The following GRIN2B variants were observed in gnomAD, a reference collection of about 807,000 sequenced individuals.
GRIN2B encodes the protein glutamate ionotropic receptor NMDA type subunit 2B, also known as glutamate receptor ionotropic, NMDA 2B.
A neutral mutation model predicts 114.5 loss-of-function variants in GRIN2B; 5 were observed. The observed-to-expected ratio is 0.04, with a 90% CI of 0.02 to 0.09. GRIN2B has a LOEUF of 0.09. Ranked by LOEUF, GRIN2B falls within the 10% of genes least tolerant of loss-of-function variation. GRIN2B has a pLI of 1.00. For missense variants in GRIN2B, 1,108 were observed against 1,943.5 expected (o/e 0.57, Z 8.08); for synonymous variants, 787 against 745.1 (o/e 1.06, Z -0.92).
In GRIN2B at chr12:13,949,815, T is replaced by A. The variant is rs563649217; in HGVS notation, c.-19+30113A>T. 2.3e-3 allele frequency among the ~76,000 whole-genome samples: 345 copies of A among 152,302 alleles called. 1 individual carries two copies. The highest frequency in any genetic ancestry group is 7.9e-3 in the African/African-American group (328 of 41,570). On this transcript the variant is annotated intron_variant, in intron 2 of 13. Transcript: ENST00000609686. ...AGCAAAATACTCACTTTTAGATATG[T>A]ACCAGGCTGTACTGTGTTTGCAGTA...
At chr12:13,733,535 A>C (rs866749751) in intron 4 of GRIN2B, among the ~76,000 whole-genome samples, 43 of 152,326 alleles carry the variant, frequency 2.8e-4, no homozygotes, top group Middle Eastern at 3.4e-3. Context: ...TCTCTTTATC[A>C]AGTGAATCAA....
At chr12:13,696,035 T>C (rs1219328840) in intron 4 of GRIN2B, among the ~76,000 whole-genome samples, 3 of 152,196 alleles carry the variant, frequency 2.0e-5, no homozygotes, top group South Asian at 4.1e-4. Flanking sequence ...CTTGTATTTA[T>C]GATCTTTCTT....
chr12:13,564,285 A>G lies in GRIN2B; in HGVS notation c.2953T>C (p.Tyr985His). ...CTATGGGGCCGGTGGTGATGGTGGT[A>G]GTGATCTTGGTACACGTTGCTGTCC... ...LKDSNVYQDH[Y>H]HHHHRPHSIG... The change falls in exon 14 of 14, where the codon TAC becomes CAC. Residue 985 changes from tyrosine to histidine, a missense_variant. This residue lies in a region of GRIN2B where 140 missense variants were observed against 187.5 expected (regional missense o/e 0.75). Coordinates refer to ENST00000609686, the MANE Select transcript of GRIN2B (RefSeq NM_000834.5). This position sits in a 1 kb window ranked among gnomAD's most constrained non-coding sequence, Gnocchi z 4.8. The G allele has an allele frequency of 6.2e-7, 1 of 1,614,172 alleles. No individual in the cohort carries two copies. The highest frequency in any genetic ancestry group is 8.5e-7 in the Non-Finnish European group (1 of 1,180,034).
At chr12:13,650,855 GTC>G (rs2093313175) in intron 5 of GRIN2B, among the ~76,000 whole-genome samples, 1 of 151,976 alleles carries the variant, frequency 6.6e-6, no homozygotes, top group African/African-American at 2.4e-5. Context: ...ATACATTTTT[GTC>G]TTTTTTGTTA....
At chr12:13,746,148 C>T (rs1434231924) in intron 4 of GRIN2B, among the ~76,000 whole-genome samples, 1 of 152,062 alleles carries the variant, frequency 6.6e-6, no homozygotes, top group Admixed American at 6.5e-5. Flanking sequence ...CCCTTTTAAA[C>T]AGAGTGATCA....
chr12:13,544,438 T>C lies in GRIN2B; in HGVS notation c.*18345A>G, dbSNP rs1465356073. The C allele has an allele frequency of 6.6e-6, 1 of 152,216 alleles. No individual in the cohort carries two copies. Among genetic ancestry groups the C allele is most frequent in the Non-Finnish European group, 1.5e-5 (1 of 68,042 alleles). The allele number at this position is 152,216 out of a possible 1,614,324, so 9.4% of individuals were successfully genotyped here. A position where few individuals can be genotyped will look rare whatever the true frequency, so the allele number is the denominator to read the frequency against. On this transcript the variant is annotated 3_prime_UTR_variant, in exon 14 of 14. Transcript: ENST00000609686. Reference sequence around the variant, plus strand: ...TACTCATTCTCTAGTTCCAGTATCATGGCTTCAAATACCAACCAAACGCAT... The same window carrying C: ...TACTCATTCTCTAGTTCCAGTATCACGGCTTCAAATACCAACCAAACGCAT...
chr12:13,866,123 T>C lies in GRIN2B; in HGVS notation c.86A>G (p.Gln29Arg). ...AATGCCAATGCTGGGGGGGCTCTTC[T>C]GAGAACGAGCTCTGCTGCCTGACAC... ...LAVSGSRARS[Q>R]KSPPSIGIAV... The change falls in exon 3 of 14, where the codon CAG becomes CGG. Residue 29 changes from glutamine (Q) to arginine (R), a missense_variant. By Grantham distance (43) the Gln-to-Arg change is conservative (BLOSUM62 1). Transcript: ENST00000609686. 1 of 1,613,804 alleles carries C rather than the reference T, an allele frequency of 6.2e-7. No individual in the cohort carries two copies. The highest frequency in any genetic ancestry group is 8.5e-7 in the Non-Finnish European group (1 of 1,179,978).
intron 3 of GRIN2B, among the ~76,000 whole-genome samples, chr12:13,804,801 A>G (rs1226222274): frequency 2.0e-5 from 3 of 152,160 alleles, no homozygotes; most frequent in Non-Finnish European, 1.5e-5. Context: ...TGCCTTGCCC[A>G]TAATAGGCAC....
intron 2 of GRIN2B, 137 bp from the exon 3 acceptor site, chr12:13,866,363 T>C (rs560262836): frequency 1.4e-6 from 1 of 735,688 alleles, no homozygotes; most frequent in Non-Finnish European, 2.4e-6. Flanking sequence ...ACCAGCCTAC[T>C]CTCTTATCTC....
At chr12:13,729,683 G>A (rs2136602849) in intron 4 of GRIN2B, among the ~76,000 whole-genome samples, 1 of 152,196 alleles carries the variant, frequency 6.6e-6, no homozygotes, top group East Asian at 1.9e-4. Flanking sequence ...TGAAAGAGAT[G>A]GAGAATGGGT....
rs1948387981 is a variant in GRIN2B, at chr12:13,549,793, A to AC, written c.*12989dup. On this transcript the variant is annotated 3_prime_UTR_variant, in exon 14 of 14. Coordinates refer to ENST00000609686, the MANE Select transcript of GRIN2B (RefSeq NM_000834.5). ...TTTCTTCACCGTGGAAACCTCTCTA[A>AC]CCTTTCTGATTTTCAAATTTTTGCT... 6.6e-6 allele frequency: 1 copy of AC among 152,042 alleles called. No individual in the cohort carries two copies. Among genetic ancestry groups the AC allele is most frequent in the African/African-American group, 2.4e-5 (1 of 41,392 alleles). The allele number at this position is 152,042 out of a possible 1,614,324, so 9.4% of individuals were successfully genotyped here. A position where few individuals can be genotyped will look rare whatever the true frequency, so the allele number is the denominator to read the frequency against.
chr12:13,962,917 A>C (rs1867722689), intron 2 of GRIN2B, among the ~76,000 whole-genome samples: 2 of 152,192 alleles, frequency 1.3e-5, no homozygotes, highest in Admixed American at 6.5e-5. Flanking sequence ...ATGCAGTTAG[A>C]CAGACCCTCT....
intron 4 of GRIN2B, among the ~76,000 whole-genome samples, chr12:13,733,042 C>T (rs925367258): frequency 1.3e-5 from 2 of 151,964 alleles, no homozygotes; most frequent in African/African-American, 2.4e-5. Flanking sequence ...CTCTAGAGAA[C>T]ATGAAAAGAA....
intron 3 of GRIN2B, among the ~76,000 whole-genome samples, chr12:13,795,292 G>A (rs1436879269): frequency 6.6e-6 from 1 of 151,946 alleles, no homozygotes; most frequent in Non-Finnish European, 1.5e-5. Context: ...TAAATTTTAG[G>A]TGGCAAGGTA....
intron 5 of GRIN2B, among the ~76,000 whole-genome samples, chr12:13,647,421 A>G (rs1170353565): frequency 6.6e-6 from 1 of 152,152 alleles, no homozygotes; most frequent in Non-Finnish European, 1.5e-5. Flanking sequence ...AATGCTGTCC[A>G]ATCCACCATG....
intron 4 of GRIN2B, among the ~76,000 whole-genome samples, chr12:13,676,184 T>G (rs1195680149): frequency 6.6e-6 from 1 of 151,934 alleles, no homozygotes; most frequent in Non-Finnish European, 1.5e-5. Context: ...CACTGGGGCC[T>G]GTAGGCAGGG....
chr12:13,743,602 C>T (rs1376750070), intron 4 of GRIN2B, among the ~76,000 whole-genome samples: 2 of 151,632 alleles, frequency 1.3e-5, no homozygotes, highest in Non-Finnish European at 2.9e-5. Flanking sequence ...TTTTTTCAAG[C>T]AGGGGAGGAA....
At chr12:13,696,610 G>A (rs1359350795) in intron 4 of GRIN2B, among the ~76,000 whole-genome samples, 1 of 152,178 alleles carries the variant, frequency 6.6e-6, no homozygotes, top group Non-Finnish European at 1.5e-5. Flanking sequence ...TATGCTGAAT[G>A]AGAAGAAAGA....
At position 13,581,909 on chromosome 12, in the gene GRIN2B, C is replaced by CAAAA. The variant is rs71067711; in HGVS notation, c.2011-9949_2011-9946dup. On this transcript the variant is annotated intron_variant, in intron 10 of 13. Transcript: ENST00000609686. ...TGGGTGACAGAGTGAGACTTTGTCT[C>CAAAA]AAAAAAAAAAAAAAAAAGACAATTT... 1.2e-4 allele frequency among the ~76,000 whole-genome samples: 14 copies of CAAAA among 120,272 alleles called. No individual in the cohort carries two copies. In the South Asian group the frequency reaches 2.3e-3, roughly 20 times the overall value. 78.9% of individuals were successfully genotyped at this position (120,272 alleles called of 152,430 possible).
Sources: allele counts gnomAD v4.1 joint callset (sites outside exome capture counted in the v4.1 genomes callset), GRCh38; gene constraint gnomAD v4.1.1; regional missense constraint gnomAD v4.1.1; non-coding constraint Gnocchi (gnomAD v3.1); transcripts MANE v1.5; gene names NCBI Gene and HGNC (gene_info 2026-07-23, HGNC 2026-07-21).